Variants in SDHAF4 observed in about 807,000 individuals in gnomAD.
The protein encoded by SDHAF4 is succinate dehydrogenase assembly factor 4, mitochondrial.
SDHAF4 carries 14 observed loss-of-function variants against 14.3 expected under a neutral mutation model. The observed-to-expected ratio is 0.98, with a 90% CI of 0.65 to 1.53. The LOEUF (loss-of-function observed/expected upper bound fraction) is 1.53. Among genes scored for constraint, SDHAF4 ranks in the 40% most tolerant of loss-of-function variants. The pLI is 0.00. For synonymous variants in SDHAF4, 63 were observed against 47.3 expected (o/e 1.33, Z -1.36); for missense variants, 141 against 129.3 (o/e 1.09, Z -0.44).
intron 1 of SDHAF4, among the ~76,000 whole-genome samples, chr6:70,573,737 G>A (rs952152700): frequency 1.6e-4 from 23 of 147,498 alleles, no homozygotes; most frequent in Admixed American, 5.5e-4. Context: ...GTGTAGTGGC[G>A]TGATCTCACT....
At chr6:70,595,186 C>G in the SDHAF4 span, among the ~76,000 whole-genome samples, 1 of 152,158 alleles carries the variant, frequency 6.6e-6, no homozygotes, top group Non-Finnish European at 1.5e-5. Flanking sequence ...TGCTGCATCT[C>G]CTCTGGCCTC....
At chr6:70,580,289 C>A (rs1373579405) in intron 2 of SDHAF4, among the ~76,000 whole-genome samples, 1 of 152,212 alleles carries the variant, frequency 6.6e-6, no homozygotes, top group East Asian at 1.9e-4. Flanking sequence ...CTACTTCATA[C>A]CCACTAGGAT....
chr6:70,583,955 A>G (rs1315772441), intron 2 of SDHAF4, among the ~76,000 whole-genome samples: 1 of 152,244 alleles, frequency 6.6e-6, no homozygotes. Context: ...AATTAGCTTT[A>G]TTAAATATAG....
intron 1 of SDHAF4, 49 bp from the exon 2 acceptor site, chr6:70,579,365 G>A (rs749659093): frequency 1.4e-5 from 19 of 1,311,504 alleles, no homozygotes; most frequent in Non-Finnish European, 1.9e-5. Flanking sequence ...AATGTTTAAA[G>A]TGGAATAAAT....
intron 1 of SDHAF4, among the ~76,000 whole-genome samples, chr6:70,576,873 G>A (rs1390138564): frequency 1.3e-5 from 2 of 152,186 alleles, no homozygotes; most frequent in African/African-American, 4.8e-5. Context: ...GTAAGTGGTT[G>A]CATTTGTTTC....
chr6:70,590,161 C>T (rs965489738), downstream of SDHAF4, among the ~76,000 whole-genome samples: 2 of 151,960 alleles, frequency 1.3e-5, no homozygotes, highest in East Asian at 1.9e-4. Flanking sequence ...TCACTTGAAC[C>T]GGGGAGGCAG....
chr6:70,567,180 G>T (rs1411181951), intron 1 of SDHAF4, among the ~76,000 whole-genome samples, 176 bp downstream of exon 1: 1 of 152,210 alleles, frequency 6.6e-6, no homozygotes, highest in Admixed American at 6.5e-5. Context: ...TTCCTGCAGC[G>T]CCCCGGGTCT....
chr6:70,596,337 G>C, the SDHAF4 span: 1 of 152,172 alleles, frequency 6.6e-6, no homozygotes, highest in Non-Finnish European at 1.5e-5. Flanking sequence ...TTGGCTCAAG[G>C]ATTTCCCATT....
intron 1 of SDHAF4, among the ~76,000 whole-genome samples, chr6:70,575,480 CAAA>C (rs57160716): frequency 8.8e-5 from 10 of 113,260 alleles, no homozygotes; most frequent in African/African-American, 2.0e-4. Context: ...TGTCTCTGTT[CAAA>C]AAAAAAAAAA....
At position 70,588,819 on chromosome 6, in the gene SDHAF4, G is replaced by A. The variant is rs543795168; in HGVS notation, c.*95G>A. 105 of 514,408 alleles carry A rather than the reference G, an allele frequency of 2.0e-4. No homozygotes were observed. The highest frequency in any genetic ancestry group is 4.1e-4 in the Middle Eastern group (1 of 2,424). The allele number at this position is 514,408 out of a possible 1,614,324, so 31.9% of individuals were successfully genotyped here. A position where few individuals can be genotyped will look rare whatever the true frequency, so the allele number is the denominator to read the frequency against. On this transcript the variant is annotated 3_prime_UTR_variant, in exon 3 of 3. Transcript: ENST00000370474. ...TTTCTTTCTTTATATCCTTTATGTCGTGTAGTTTGTATAATGTGTTTAAAT... is the reference window on the plus strand; with the variant it reads ...TTTCTTTCTTTATATCCTTTATGTCATGTAGTTTGTATAATGTGTTTAAAT...
At chr6:70,586,187 G>A (rs1295949033) in intron 2 of SDHAF4, among the ~76,000 whole-genome samples, 1 of 152,102 alleles carries the variant, frequency 6.6e-6, no homozygotes, top group Non-Finnish European at 1.5e-5. Context: ...CTGTGTCTCA[G>A]GAGTATAACT....
chr6:70,593,846 C>T (rs530276105), downstream of SDHAF4, among the ~76,000 whole-genome samples: 3 of 152,038 alleles, frequency 2.0e-5, no homozygotes, highest in East Asian at 1.9e-4. Context: ...CACCTTCCAC[C>T]GTGCCTGGCT....
chr6:70,579,617 T>G, intron 2 of SDHAF4, 51 bp downstream of exon 2: 8 of 1,443,740 alleles, frequency 5.5e-6, no homozygotes, highest in Non-Finnish European at 7.4e-6. Context: ...GGAAAGTGTT[T>G]TAGTTATTGA....
At chr6:70,568,525 C>T (rs796087616) in intron 1 of SDHAF4, among the ~76,000 whole-genome samples, 2 of 152,090 alleles carry the variant, frequency 1.3e-5, no homozygotes, top group Admixed American at 6.6e-5. Context: ...GATTGAGTCA[C>T]ATTGACGCAT....
intron 2 of SDHAF4, among the ~76,000 whole-genome samples, chr6:70,587,168 T>TCA (rs56012930): frequency 0.037 from 4,958 of 135,314 alleles, 94 homozygotes; most frequent in East Asian, 0.087. Context: ...TGAAACTCCA[T>TCA]CACACACACA....
At chr6:70,581,866 C>T (rs1177825922) in intron 2 of SDHAF4, among the ~76,000 whole-genome samples, 1 of 152,138 alleles carries the variant, frequency 6.6e-6, no homozygotes, top group Non-Finnish European at 1.5e-5. Context: ...GCCTCGGCCT[C>T]CCAAAGTGCT....
At chr6:70,573,264 C>CTTTTTTT (rs202098262) in intron 1 of SDHAF4, among the ~76,000 whole-genome samples, 3,607 of 109,978 alleles carry the variant, frequency 0.033, 689 homozygotes, top group African/African-American at 0.14. Context: ...GCTATTTGGC[C>CTTTTTTT]TTTTTTTTTT....
rs148715268 is a variant in SDHAF4, at chr6:70,581,258, A to G, written c.217+1692A>G. On this transcript the variant is annotated intron_variant, in intron 2 of 2. Coordinates refer to ENST00000370474, the MANE Select transcript of SDHAF4 (RefSeq NM_145267.3). ...AATGTATTTAATACTACCAAATTGTACACTTACAAATGGTTAAATGAGAAA... is the reference window on the plus strand; with the variant it reads ...AATGTATTTAATACTACCAAATTGTGCACTTACAAATGGTTAAATGAGAAA... 2.6e-5 allele frequency among the ~76,000 whole-genome samples: 4 copies of G among 152,162 alleles called. No individual in the cohort carries two copies. In the East Asian group the frequency reaches 7.7e-4, roughly 29 times the overall value.
At chr6:70,570,976 A>T (rs747456171) in intron 1 of SDHAF4, among the ~76,000 whole-genome samples, 1 of 152,094 alleles carries the variant, frequency 6.6e-6, no homozygotes, top group Admixed American at 6.5e-5. Flanking sequence ...GGGTCTTCAG[A>T]GTCCAAGCCT....
Sources: allele counts gnomAD v4.1 joint callset (sites outside exome capture counted in the v4.1 genomes callset), GRCh38; gene constraint gnomAD v4.1.1; transcripts MANE v1.5; gene names NCBI Gene and HGNC (gene_info 2026-07-23, HGNC 2026-07-21).